The following GSE1 variants were observed in gnomAD, a reference collection of about 807,000 sequenced individuals.
GSE1 encodes the protein Gse1 coiled-coil protein, also known as genetic suppressor element 1.
Under a neutral mutation model 112.6 loss-of-function variants are expected in GSE1, and 32 were observed. The observed-to-expected ratio is 0.28, with a 90% CI of 0.21 to 0.38. The LOEUF (loss-of-function observed/expected upper bound fraction) is 0.38. GSE1 is among the 10% of genes least tolerant of loss of function. GSE1 has a pLI of 1.00. For synonymous variants in GSE1, 1,115 were observed against 735.6 expected (o/e 1.52, Z -8.35); for missense variants, 2,348 against 1,699.2 (o/e 1.38, Z -6.71).
At chr16:85,253,364 G>A (rs1374178054) in intron 1 of GSE1, among the ~76,000 whole-genome samples, 1 of 152,266 alleles carries the variant, frequency 6.6e-6, no homozygotes, top group Non-Finnish European at 1.5e-5. Flanking sequence ...GCTAGGTGTC[G>A]CTGTCCCCTG....
chr16:85,639,965 T>G (rs1330752137), intron 2 of GSE1, among the ~76,000 whole-genome samples: 2 of 152,066 alleles, frequency 1.3e-5, no homozygotes, highest in Admixed American at 1.3e-4. Context: ...ACCCCCTCCC[T>G]GGGAAACAGT....
intron 1 of GSE1, among the ~76,000 whole-genome samples, chr16:85,260,319 C>CTTTTTTTTTTTTTTTTTTTTTTTTTTT (rs111292010): frequency 3.2e-5 from 3 of 94,868 alleles, no homozygotes; most frequent in Admixed American, 1.2e-4. Context: ...TTTTTCTTTT[C>CTTTTTTTTTTTTTTTTTTTTTTTTTTT]TTTTTTTTTT....
At chr16:85,245,010 T>TAAA (rs1567634869) in intron 1 of GSE1, among the ~76,000 whole-genome samples, 6 of 138,668 alleles carry the variant, frequency 4.3e-5, no homozygotes, top group Non-Finnish European at 9.8e-5. Context: ...AAAAAAAAAT[T>TAAA]TTTTTTCCGA....
At chr16:85,232,779 G>A (rs547574045) in intron 1 of GSE1, among the ~76,000 whole-genome samples, 2 of 152,250 alleles carry the variant, frequency 1.3e-5, no homozygotes, top group Admixed American at 6.5e-5. Context: ...CGGAGGCCTC[G>A]CTGACCACCC....
chr16:85,374,694 G>T (rs967639465), intron 2 of GSE1, among the ~76,000 whole-genome samples: 1 of 152,186 alleles, frequency 6.6e-6, no homozygotes, highest in Admixed American at 6.5e-5. Flanking sequence ...GAGGGGGTAG[G>T]GGGTGGATGG....
intron 2 of GSE1, among the ~76,000 whole-genome samples, chr16:85,634,920 C>G (rs1411270363): frequency 6.6e-6 from 1 of 152,060 alleles, no homozygotes; most frequent in African/African-American, 2.4e-5. Flanking sequence ...GGATTCTGGC[C>G]TCGGACACCC....
chr16:85,539,228 C>A (rs2044436732), intron 2 of GSE1, among the ~76,000 whole-genome samples: 1 of 152,264 alleles, frequency 6.6e-6, no homozygotes, highest in Non-Finnish European at 1.5e-5. Context: ...CTGGATCTCT[C>A]CACCGCAGTG....
intron 1 of GSE1, among the ~76,000 whole-genome samples, chr16:85,339,392 G>A (rs1447836820): frequency 6.6e-6 from 1 of 152,098 alleles, no homozygotes; most frequent in Non-Finnish European, 1.5e-5. Flanking sequence ...TGGCCGCGGT[G>A]CTGACGAGGC....
intron 1 of GSE1, among the ~76,000 whole-genome samples, chr16:85,342,424 T>G (rs2046643384): frequency 6.6e-6 from 1 of 152,130 alleles, no homozygotes; most frequent in Non-Finnish European, 1.5e-5. Context: ...CTTGAGAAAC[T>G]GACTGCCCTG....
chr16:85,423,397 TC>T (rs2048897085), intron 2 of GSE1, among the ~76,000 whole-genome samples: 1 of 152,126 alleles, frequency 6.6e-6, no homozygotes, highest in Non-Finnish European at 1.5e-5. Context: ...GCACCTGAGA[TC>T]CCTGGAGGGC....
At chr16:85,386,590 G>C (rs1012365023) in intron 2 of GSE1, among the ~76,000 whole-genome samples, 1 of 152,184 alleles carries the variant, frequency 6.6e-6, no homozygotes, top group African/African-American at 2.4e-5. Context: ...TCTGGTCCCA[G>C]CTGTGTCGGC....
intron 2 of GSE1, among the ~76,000 whole-genome samples, chr16:85,446,038 A>G (rs1304414436): frequency 6.6e-6 from 1 of 152,214 alleles, no homozygotes; most frequent in Non-Finnish European, 1.5e-5. Flanking sequence ...GCCTGGGTGC[A>G]CACACAGTGA....
At chr16:85,495,689 G>C (rs1299823614) in intron 2 of GSE1, among the ~76,000 whole-genome samples, 4 of 152,036 alleles carry the variant, frequency 2.6e-5, no homozygotes, top group African/African-American at 7.2e-5. Flanking sequence ...TAGAGATGGG[G>C]TTTCACTGTG....
chr16:85,509,395 G>A (rs544020129), intron 2 of GSE1, among the ~76,000 whole-genome samples: 2 of 152,304 alleles, frequency 1.3e-5, no homozygotes, highest in East Asian at 1.9e-4. Context: ...CCCATCTGGT[G>A]TCCTGTTCAT....
At chr16:85,420,235 T>C (rs963003388) in intron 2 of GSE1, among the ~76,000 whole-genome samples, 1 of 152,116 alleles carries the variant, frequency 6.6e-6, no homozygotes, top group Non-Finnish European at 1.5e-5. Flanking sequence ...TGTGTGCTTT[T>C]TGTTTTTTGA....
intron 1 of GSE1, among the ~76,000 whole-genome samples, chr16:85,302,600 C>T (rs1031986047): frequency 6.6e-6 from 1 of 152,196 alleles, no homozygotes; most frequent in African/African-American, 2.4e-5. Context: ...CATGCCTCAG[C>T]ATCACCAGGG....
At chr16:85,470,740 G>A (rs935060782) in intron 2 of GSE1, among the ~76,000 whole-genome samples, 4 of 152,204 alleles carry the variant, frequency 2.6e-5, no homozygotes, top group Middle Eastern at 3.4e-3. Flanking sequence ...CCCGCCCCCT[G>A]CCCACTTCCC....
intron 1 of GSE1, among the ~76,000 whole-genome samples, chr16:85,320,232 C>T (rs927253648): frequency 2.1e-4 from 32 of 152,182 alleles, no homozygotes; most frequent in African/African-American, 3.9e-4. Flanking sequence ...GGGCCCTGGT[C>T]GCCCTCCGTG....
In GSE1 at chr16:85,419,819, C is replaced by A. The variant is rs1385084929; in HGVS notation, c.2464+62176C>A. Among the ~76,000 whole-genome samples, 4 of 146,214 alleles carry A rather than the reference C, an allele frequency of 2.7e-5. No individual in the cohort carries two copies. In the East Asian group the frequency reaches 8.9e-4, roughly 33 times the overall value. ...TGGTCCGAGTAGGGCTTCTGCAGGG[C>A]CAGCCAGGAACTCCACAGGTGAAGT... On this transcript the variant is annotated intron_variant, in intron 2 of 2. Transcript: ENST00000637419. The surrounding 1 kb of genome is among the most constrained non-coding windows in gnomAD (Gnocchi z 6.5).
Sources: gnomAD v4.1 joint callset for allele counts (sites outside exome capture counted in the v4.1 genomes callset) on GRCh38, gnomAD v4.1.1 for gene constraint, Gnocchi (gnomAD v3.1) non-coding constraint, MANE v1.5 for transcripts, NCBI Gene and HGNC (gene_info 2026-07-23, HGNC 2026-07-21) for gene names.